CDK6: variants seen among roughly 807,000 people sequenced by gnomAD.
CDK6 encodes the protein cyclin-dependent kinase 6.
A neutral mutation model predicts 37.1 loss-of-function variants in CDK6; 6 were observed. That is an observed-to-expected ratio of 0.16 (90% confidence interval 0.09 to 0.32). The LOEUF is 0.32. Among genes scored for constraint, CDK6 ranks in the 10% least tolerant of loss-of-function variants. The pLI, the probability that CDK6 is intolerant of heterozygous loss-of-function variation, is 1.00. For synonymous variants in CDK6, 160 were observed against 161.3 expected, an observed-to-expected ratio of 0.99 and a Z score of 0.06; for missense variants, 224 against 418.9, an observed-to-expected ratio of 0.53 and a Z score of 4.06.
chr7:92,610,031 A>G lies in CDK6; in HGVS notation c.*5109T>C, dbSNP rs140253146. 452 of 230,040 alleles carry G rather than the reference A, an allele frequency of 2.0e-3. 3 individuals are homozygous for G. The highest frequency in any genetic ancestry group is 9.0e-3 in the African/African-American group (410 of 45,304). The allele number at this position is 230,040 out of a possible 1,614,324, so 14.2% of individuals were successfully genotyped here. On this transcript the variant is annotated 3_prime_UTR_variant, in exon 8 of 8. Coordinates refer to ENST00000424848, the MANE Select transcript of CDK6 (RefSeq NM_001145306.2). ...TGCGCAGAAAAATAAAGTTAGAATG[A>G]AATCTCTTTTAGAAGTACCTCTTTA...
At chr7:92,672,134 C>CATAT (rs372523914) in intron 4 of CDK6, among the ~76,000 whole-genome samples, 16,442 of 65,190 alleles carry the variant, frequency 0.25, 2,896 homozygotes, top group Middle Eastern at 0.41. Context: ...AAAAGCTGTA[C>CATAT]ATATATATAT....
At chr7:92,706,202 G>T (rs192924522) in intron 4 of CDK6, among the ~76,000 whole-genome samples, 8 of 152,206 alleles carry the variant, frequency 5.3e-5, no homozygotes, top group African/African-American at 1.9e-4. Context: ...GGAAGTGATC[G>T]GTGGAATACA....
At chr7:92,813,640 C>A (rs1007480706) in intron 2 of CDK6, among the ~76,000 whole-genome samples, 2 of 152,134 alleles carry the variant, frequency 1.3e-5, no homozygotes, top group African/African-American at 4.8e-5. Context: ...GATGGAGAAA[C>A]AAAAGCATTT....
At position 92,789,067 on chromosome 7, in the gene CDK6, A is replaced by G. The variant is rs925105132; in HGVS notation, c.234-14236T>C. ...TTTGAGCCCAGAAGTTTGAGGCTAC[A>G]GTGAACTATGACTGCACCACTGCAC... On this transcript the variant is annotated intron_variant, in intron 2 of 7. Transcript: ENST00000424848. 2.0e-5 allele frequency among the ~76,000 whole-genome samples: 3 copies of G among 152,192 alleles called. No individual in the cohort carries two copies. The East Asian group carries it at 5.8e-4, about 29-fold the overall frequency.
Position 92,834,573 on chromosome 7 carries a change from G to T in CDK6, c.-367-883C>A, listed in dbSNP as rs978276250. On this transcript the variant is annotated intron_variant, in intron 1 of 7. Transcript: ENST00000424848. The surrounding 1 kb of genome is among the most constrained non-coding windows in gnomAD (Gnocchi z 4.6). ...GGTGTTCGCCACAATTTCGCTTGTC[G>T]TCTCCTTAAAGAATAACTTCAGGAA... 6.6e-6 allele frequency among the ~76,000 whole-genome samples: 1 copy of T among 151,404 alleles called. No individual in the cohort carries two copies. The highest frequency in any genetic ancestry group is 1.5e-5 in the Non-Finnish European group (1 of 67,912).
chr7:92,752,642 T>C (rs1040080202), intron 3 of CDK6, among the ~76,000 whole-genome samples: 1 of 152,224 alleles, frequency 6.6e-6, no homozygotes, highest in African/African-American at 2.4e-5. Context: ...ATACAGTCAC[T>C]ATTAATTAAT....
In CDK6 at chr7:92,708,139, T is replaced by C. The variant is rs1417181325; in HGVS notation, c.537+17487A>G. On this transcript the variant is annotated intron_variant, in intron 4 of 7. Transcript: ENST00000424848. ...CGCTTTTCTTTACTAATTTACAACT[T>C]TCTTTGAAACCCCAGTTTGATTATC... is the stretch of plus-strand genomic sequence containing the variant. Among the ~76,000 whole-genome samples the C allele has an allele frequency of 2.6e-5, 4 of 152,314 alleles. No homozygotes were observed. The East Asian group carries it at 7.7e-4, about 29-fold the overall frequency.
intron 5 of CDK6, among the ~76,000 whole-genome samples, chr7:92,655,970 A>T (rs905027495): frequency 6.6e-6 from 1 of 152,264 alleles, no homozygotes; most frequent in East Asian, 1.9e-4. Context: ...TAATTTGGCA[A>T]GCAAAACTGG....
intron 3 of CDK6, among the ~76,000 whole-genome samples, chr7:92,751,667 G>C (rs991522562): frequency 3.3e-5 from 5 of 152,148 alleles, no homozygotes; most frequent in Admixed American, 6.5e-5. Flanking sequence ...TAAATATGCA[G>C]TGATAAGAGT....
At chr7:92,797,833 C>A (rs1212061944) in intron 2 of CDK6, among the ~76,000 whole-genome samples, 2 of 152,148 alleles carry the variant, frequency 1.3e-5, no homozygotes, top group African/African-American at 4.8e-5. Flanking sequence ...GATGGGAAAT[C>A]CCCTGCAGGG....
At position 92,609,224 on chromosome 7, in the gene CDK6, T is replaced by C. The variant is rs147562791; in HGVS notation, c.*5916A>G. The C allele has an allele frequency of 6.1e-4, 142 of 232,788 alleles. No homozygotes were observed. The highest frequency in any genetic ancestry group is 3.0e-3 in the African/African-American group (135 of 45,408). The allele number at this position is 232,788 out of a possible 1,614,324, so 14.4% of individuals were successfully genotyped here. ...TTCTGTGGTGCTGTGCTAAGGAAACTGAAAAATACTGCAATATCCTTCCCT... is the reference window on the plus strand; with the variant it reads ...TTCTGTGGTGCTGTGCTAAGGAAACCGAAAAATACTGCAATATCCTTCCCT... On this transcript the variant is annotated 3_prime_UTR_variant, in exon 8 of 8. Transcript: ENST00000424848.
chr7:92,755,094 T>C (rs1457879269), intron 3 of CDK6, among the ~76,000 whole-genome samples: 1 of 152,162 alleles, frequency 6.6e-6, no homozygotes, highest in Non-Finnish European at 1.5e-5. Context: ...GGCATTATGA[T>C]TGATAATGAT....
chr7:92,696,118 T>C (rs1585406647), intron 4 of CDK6, among the ~76,000 whole-genome samples: 1 of 152,180 alleles, frequency 6.6e-6, no homozygotes, highest in Non-Finnish European at 1.5e-5. Flanking sequence ...AACCAGGGGA[T>C]TGTGAAACAT....
intron 5 of CDK6, among the ~76,000 whole-genome samples, chr7:92,661,832 G>A (rs146824979): frequency 3.4e-4 from 52 of 152,260 alleles, no homozygotes; most frequent in African/African-American, 1.1e-3. Context: ...TCAAACCTAT[G>A]TTGTTCAAGG....
intron 2 of CDK6, among the ~76,000 whole-genome samples, chr7:92,800,641 CA>C (rs769045141): frequency 4.3e-4 from 66 of 152,258 alleles, no homozygotes; most frequent in South Asian, 1.2e-3. Context: ...GCCTTGCATT[CA>C]GGGGGGGCTC....
rs371412887 is a variant in CDK6, at chr7:92,729,799, G to A, written c.370-4006C>T. Among the ~76,000 whole-genome samples, 104 of 152,262 alleles carry A rather than the reference G, an allele frequency of 6.8e-4. 1 individual carries two copies. Among genetic ancestry groups the A allele is most frequent in the African/African-American group, 2.4e-3 (101 of 41,534 alleles). ...GTCTTGCTCTGCCACCCAGGCTGGAGTGCAGTGGTGCCATCATATCATAGC... is the reference window on the plus strand; with the variant it reads ...GTCTTGCTCTGCCACCCAGGCTGGAATGCAGTGGTGCCATCATATCATAGC... On this transcript the variant is annotated intron_variant, in intron 3 of 7. Transcript: ENST00000424848.
In CDK6 at chr7:92,833,081, C is replaced by G; in HGVS notation, c.233+10G>C. On this transcript the variant is annotated intron_variant, in intron 2 of 7. Transcript: ENST00000424848. This position sits in a 1 kb window ranked among gnomAD's most constrained non-coding sequence, Gnocchi z 6.1. ...GCCCCAGATGGCGAGGGCGCAGCTC[C>G]CTGGCTCACCTGACCACGTTGGGGT... 6.4e-7 allele frequency: 1 copy of G among 1,554,988 alleles called. No homozygotes were observed. The highest frequency in any genetic ancestry group is 8.7e-7 in the Non-Finnish European group (1 of 1,148,958).
intron 2 of CDK6, among the ~76,000 whole-genome samples, chr7:92,798,061 A>C (rs947873429): frequency 6.6e-6 from 1 of 152,224 alleles, no homozygotes; most frequent in Non-Finnish European, 1.5e-5. Flanking sequence ...CTCGTCCTGA[A>C]TGATGACTTG....
intron 5 of CDK6, among the ~76,000 whole-genome samples, chr7:92,633,161 T>G (rs541389383): frequency 1.3e-5 from 2 of 152,236 alleles, no homozygotes; most frequent in East Asian, 3.9e-4. Context: ...TTATATCTTA[T>G]GGCAGGGAGC....
Sources: allele counts gnomAD v4.1 joint callset (sites outside exome capture counted in the v4.1 genomes callset), GRCh38; gene constraint gnomAD v4.1.1; non-coding constraint Gnocchi (gnomAD v3.1); transcripts MANE v1.5; gene names NCBI Gene and HGNC (gene_info 2026-07-23, HGNC 2026-07-21).